Variants in NBEAL1 observed in about 807,000 individuals in gnomAD.
NBEAL1 encodes the protein neurobeachin-like protein 1.
Under a neutral mutation model 351.3 loss-of-function variants are expected in NBEAL1, and 273 were observed. That is an observed-to-expected ratio of 0.78 (90% confidence interval 0.70 to 0.86). The LOEUF (loss-of-function observed/expected upper bound fraction) is 0.86, where lower values mean the gene tolerates loss of function less well. Among genes scored for constraint, NBEAL1 ranks in the 40% least tolerant of loss-of-function variants. The pLI is 0.00. For synonymous variants in NBEAL1, 1,050 were observed against 1,086.4 expected (o/e 0.97, Z 0.66); for missense variants, 2,961 against 3,201.3 (o/e 0.92, Z 1.81).
chr2:203,198,740 G>T, intron 48 of NBEAL1, among the ~76,000 whole-genome samples: 1 of 151,622 alleles, frequency 6.6e-6, no homozygotes, highest in East Asian at 1.9e-4. Flanking sequence ...GTGCATGCTT[G>T]TGGTCCCAGC....
At chr2:203,031,505 G>A (rs1393059764) in intron 2 of NBEAL1, among the ~76,000 whole-genome samples, 1 of 152,120 alleles carries the variant, frequency 6.6e-6, no homozygotes, top group Non-Finnish European at 1.5e-5. Context: ...ATCTAGTGAA[G>A]GAATGTCAAT....
intron 2 of NBEAL1, among the ~76,000 whole-genome samples, chr2:203,033,160 A>T (rs905385485): frequency 6.6e-6 from 1 of 151,330 alleles, no homozygotes; most frequent in Non-Finnish European, 1.5e-5. Flanking sequence ...GCCACCACGC[A>T]TGGCTAATTT....
intron 41 of NBEAL1, among the ~76,000 whole-genome samples, chr2:203,173,329 AGT>A (rs2064382403): frequency 1.3e-5 from 2 of 152,262 alleles, no homozygotes; most frequent in African/African-American, 4.8e-5. Context: ...AAGATTTTAT[AGT>A]TCTGTTTATG....
intron 17 of NBEAL1, among the ~76,000 whole-genome samples, chr2:203,114,067 C>T (rs2106249679): frequency 6.6e-6 from 1 of 152,240 alleles, no homozygotes; most frequent in Non-Finnish European, 1.5e-5. Context: ...TGTGATCCGC[C>T]CACCTCAGCC....
At chr2:203,083,772 T>C (rs1218247544) in intron 9 of NBEAL1, among the ~76,000 whole-genome samples, 1 of 152,164 alleles carries the variant, frequency 6.6e-6, no homozygotes, top group Non-Finnish European at 1.5e-5. Context: ...CCTAAAAGCA[T>C]CAATGTGAAA....
At chr2:203,187,872 C>A (rs751695981) in intron 44 of NBEAL1, among the ~76,000 whole-genome samples, 7 of 152,188 alleles carry the variant, frequency 4.6e-5, no homozygotes, top group Middle Eastern at 3.2e-3. Flanking sequence ...CACCCAAATT[C>A]ATGAGTTCAT....
At chr2:203,137,460 C>CT (rs1261675086) in intron 29 of NBEAL1, among the ~76,000 whole-genome samples, 1 of 152,116 alleles carries the variant, frequency 6.6e-6, no homozygotes, top group Non-Finnish European at 1.5e-5. Flanking sequence ...AGTATTACAT[C>CT]TTTTTTCCAC....
In NBEAL1 at chr2:203,197,325, A is replaced by G; in HGVS notation, c.7062A>G (p.Leu2354=). The change falls in exon 48 of 56, where the codon CTA becomes CTG. Residue 2354 remains leucine, a synonymous_variant. Transcript: ENST00000683969. ...AGGGGATTAGTGATGGTATTCCACT[A>G]TTAAAGGCCACCATCCCCAAAAATC... is the stretch of plus-strand genomic sequence containing the variant. The part of the protein sequence containing the change: ...FIEGISDGIP[L]LKATIPKNQY... 1 of 1,597,254 alleles carries G rather than the reference A, an allele frequency of 6.3e-7. No individual in the cohort carries two copies.
At chr2:203,077,977 C>T (rs1282026098) in intron 8 of NBEAL1, 140 bp downstream of exon 8, 3 of 421,414 alleles carry the variant, frequency 7.1e-6, no homozygotes, top group Non-Finnish European at 1.2e-5. Context: ...AACTAATCTA[C>T]TTCTTTTATT....
rs1204940422 is a variant in NBEAL1 at position 203,193,848 on chromosome 2, A to ATG, written c.6975_6976insTG (p.Ile2326Ter). 2 of 1,612,858 alleles carry ATG rather than the reference A, an allele frequency of 1.2e-6. No individual in the cohort carries two copies. The highest frequency in any genetic ancestry group is 1.7e-6 in the Non-Finnish European group (2 of 1,179,390). On this transcript the variant is annotated frameshift_variant, in exon 47 of 56. Transcript: ENST00000683969. LOFTEE classifies it high-confidence loss of function. ...AAGAAGCAGTGCAGAAGCCAACCAA[A>ATG]ATAGACACTTCAACCCTAAACCTGT...
chr2:203,191,249 G>A, intron 46 of NBEAL1: 2 of 1,433,672 alleles, frequency 1.4e-6, no homozygotes, highest in South Asian at 2.3e-5. Flanking sequence ...GACATCAACA[G>A]TGGTGCTGTG....
chr2:203,111,538 T>G (rs1251824266), intron 15 of NBEAL1, among the ~76,000 whole-genome samples: 1 of 151,934 alleles, frequency 6.6e-6, no homozygotes, highest in Non-Finnish European at 1.5e-5. Context: ...GCCCGGCTAA[T>G]GTTTGTATTT....
intron 2 of NBEAL1, chr2:203,040,660 T>G (rs1172640774): frequency 4.6e-6 from 3 of 646,272 alleles, no homozygotes; most frequent in Non-Finnish European, 8.6e-6. Context: ...TGACATTTGC[T>G]TGGAAGACCT....
chr2:203,151,316 A>G (rs2063646339), intron 34 of NBEAL1, 149 bp from the exon 35 acceptor site: 1 of 501,270 alleles, frequency 2.0e-6, no homozygotes, highest in African/African-American at 2.0e-5. Context: ...TGGGTAACAG[A>G]ATGAGACTCT....
In NBEAL1 at chr2:203,136,062, T is replaced by G; in HGVS notation, c.4199T>G (p.Leu1400Trp). ...EEFWHSNPSH[L>W]SLDLSGIDSC... ...TTCTGGCATAGTAACCCTTCACATT[T>G]GAGTTTAGACCTCAGTGGAATTGAC... The change falls in exon 28 of 56, where the codon TTG becomes TGG. Residue 1400 changes from leucine to tryptophan, a missense_variant. By Grantham distance (61) the Leu-to-Trp change is moderately conservative. Coordinates refer to ENST00000683969, the MANE Select transcript of NBEAL1 (RefSeq NM_001378026.1). The G allele has an allele frequency of 6.2e-7, 1 of 1,613,808 alleles. No individual in the cohort carries two copies. Among genetic ancestry groups the G allele is most frequent in the Non-Finnish European group, 8.5e-7 (1 of 1,179,948 alleles).
At chr2:203,017,135 A>C (rs1022702944) in intron 2 of NBEAL1, among the ~76,000 whole-genome samples, 1 of 151,980 alleles carries the variant, frequency 6.6e-6, no homozygotes. Flanking sequence ...GATAGCTTTG[A>C]TTTTAGGTTA....
chr2:203,054,702 G>T (rs1284752052), intron 4 of NBEAL1, among the ~76,000 whole-genome samples: 1 of 152,008 alleles, frequency 6.6e-6, no homozygotes, highest in Non-Finnish European at 1.5e-5. Context: ...GTTGGTTATT[G>T]TTTTTGAAAA....
chr2:203,140,832 G>GT (rs1188590227), intron 31 of NBEAL1, among the ~76,000 whole-genome samples: 3 of 152,070 alleles, frequency 2.0e-5, no homozygotes, highest in Non-Finnish European at 2.9e-5. Flanking sequence ...GACGCCAGCA[G>GT]TTTGAGACAA....
intron 18 of NBEAL1, among the ~76,000 whole-genome samples, chr2:203,120,723 G>T (rs2062810531): frequency 1.3e-5 from 2 of 152,124 alleles, no homozygotes; most frequent in South Asian, 4.1e-4. Context: ...TTTAGAAATG[G>T]TCTTAAGCTG....
Sources: allele counts gnomAD v4.1 joint callset (sites outside exome capture counted in the v4.1 genomes callset), GRCh38; gene constraint gnomAD v4.1.1; transcripts MANE v1.5; gene names NCBI Gene and HGNC (gene_info 2026-07-23, HGNC 2026-07-21).